TBC1D4: variants seen among roughly 807,000 people sequenced by gnomAD.
TBC1D4 encodes the protein TBC1 domain family member 4, also known as TBC (Tre-2, BUB2, CDC16) domain-containing protein.
In TBC1D4, 121 loss-of-function variants were observed where a neutral mutation model predicts 142.5. The ratio of observed to expected loss-of-function variants is 0.85; its 90% CI spans 0.73 to 0.99. The LOEUF (loss-of-function observed/expected upper bound fraction) is 0.99, where lower values mean the gene tolerates loss of function less well. Ranked by LOEUF, TBC1D4 falls within the 50% of genes least tolerant of loss-of-function variation. The pLI is 0.00. For missense variants in TBC1D4, 1,475 were observed against 1,606.6 expected (o/e 0.92, Z 1.40); for synonymous variants, 630 against 628.2 (o/e 1.00, Z -0.04).
chr13:75,320,204 G>C (rs375861098), intron 11 of TBC1D4, among the ~76,000 whole-genome samples, 167 bp from the exon 12 acceptor site: 13 of 151,762 alleles, frequency 8.6e-5, no homozygotes, highest in African/African-American at 3.1e-4. Flanking sequence ...GAATACAAGA[G>C]AAATATAGAA....
chr13:75,406,613 G>A (rs1885359171), intron 1 of TBC1D4, among the ~76,000 whole-genome samples: 1 of 152,150 alleles, frequency 6.6e-6, no homozygotes, highest in Non-Finnish European at 1.5e-5. Context: ...CATCGAGGGG[G>A]CCTTTAGGGA....
At chr13:75,335,159 G>A (rs867409120) in intron 8 of TBC1D4, among the ~76,000 whole-genome samples, 2 of 152,236 alleles carry the variant, frequency 1.3e-5, no homozygotes, top group South Asian at 4.2e-4. Context: ...CTGCCAGTAT[G>A]CTGCCTCCTA....
Position 75,285,965 on chromosome 13 carries a change from T to C in TBC1D4, c.*827A>G, listed in dbSNP as rs1874629779. 2.0e-5 allele frequency: 3 copies of C among 152,636 alleles called. No individual in the cohort carries two copies. In the South Asian group the frequency reaches 6.2e-4, roughly 32 times the overall value. The allele number at this position is 152,636 out of a possible 1,614,324, so 9.5% of individuals were successfully genotyped here. A position where few individuals can be genotyped will look rare whatever the true frequency, so the allele number is the denominator to read the frequency against. ...AAATAAAAAAAGCAGAAAGCTAATC[T>C]AGACATTTTAGGTCCTAAATTAAAT... On this transcript the variant is annotated 3_prime_UTR_variant, in exon 21 of 21. Coordinates refer to ENST00000377636, the MANE Select transcript of TBC1D4 (RefSeq NM_014832.5).
At chr13:75,366,439 C>T (rs115439552) in intron 1 of TBC1D4, among the ~76,000 whole-genome samples, 1,389 of 79,826 alleles carry the variant, frequency 0.017, 22 homozygotes, top group African/African-American at 0.083. Context: ...GGATAATGTA[C>T]AATCAAGAGA....
chr13:75,384,533 T>C (rs1884057652), intron 1 of TBC1D4, among the ~76,000 whole-genome samples: 1 of 151,128 alleles, frequency 6.6e-6, no homozygotes, highest in Admixed American at 6.6e-5. Flanking sequence ...AAAATTCTAC[T>C]TTAATTTGGG....
In TBC1D4 at chr13:75,481,821, C is replaced by G. The variant is rs890598659; in HGVS notation, c.-54G>C. The G allele has an allele frequency of 9.1e-6, 13 of 1,429,822 alleles. No individual in the cohort carries two copies. Among genetic ancestry groups the G allele is most frequent in the African/African-American group, 6.0e-5 (4 of 66,164 alleles). The allele number at this position is 1,429,822 out of a possible 1,614,324, so 88.6% of individuals were successfully genotyped here. The stretch of plus-strand genomic sequence containing the variant: ...GGCCGGCCGGGCGCACCGCGCCCCC[C>G]ACTCCCGCGCAGAAGGCGCCGCCGA... On this transcript the variant is annotated 5_prime_UTR_variant, in exon 1 of 21. Transcript: ENST00000377636.
intron 11 of TBC1D4, among the ~76,000 whole-genome samples, chr13:75,320,558 T>A (rs1878666398): frequency 6.6e-6 from 1 of 152,120 alleles, no homozygotes; most frequent in African/African-American, 2.4e-5. Context: ...TTCCCTCTCC[T>A]CTATCATTTC....
intron 14 of TBC1D4, among the ~76,000 whole-genome samples, chr13:75,309,645 C>A (rs1478339521): frequency 6.6e-6 from 1 of 152,126 alleles, no homozygotes; most frequent in African/African-American, 2.4e-5. Flanking sequence ...TACATTGATT[C>A]CATATTATCT....
chr13:75,348,617 CCTT>C (rs1881340198), intron 5 of TBC1D4, among the ~76,000 whole-genome samples: 2 of 152,164 alleles, frequency 1.3e-5, no homozygotes, highest in Non-Finnish European at 2.9e-5. Flanking sequence ...GGCCTTCACT[CCTT>C]CTCAGAACAT....
At chr13:75,419,241 T>C (rs1172282272) in intron 1 of TBC1D4, among the ~76,000 whole-genome samples, 4 of 152,218 alleles carry the variant, frequency 2.6e-5, no homozygotes, top group African/African-American at 7.2e-5. Flanking sequence ...TCAAGCTCTG[T>C]TGCAATCTAA....
At chr13:75,432,939 CA>C (rs34647915) in intron 1 of TBC1D4, among the ~76,000 whole-genome samples, 6,502 of 99,488 alleles carry the variant, frequency 0.065, 374 homozygotes, top group African/African-American at 0.19. Flanking sequence ...GAGACTGACT[CA>C]AAAAAAAAAA....
rs534576156 is a variant in TBC1D4, at chr13:75,303,653, A to ACT, written c.2753-1253_2753-1252insAG. 6.6e-5 allele frequency among the ~76,000 whole-genome samples: 10 copies of ACT among 152,326 alleles called. No homozygotes were observed. In the South Asian group the frequency reaches 2.1e-3, roughly 32 times the overall value. On this transcript the variant is annotated intron_variant, in intron 15 of 20. Coordinates refer to ENST00000377636, the MANE Select transcript of TBC1D4 (RefSeq NM_014832.5). ...GGTTAAGGAAATGCTTAATGACAGT[A>ACT]ATCTCTTCTGACTGATTGCCAGAGT...
intron 8 of TBC1D4, among the ~76,000 whole-genome samples, chr13:75,329,236 T>C (rs1879539271): frequency 6.6e-6 from 1 of 152,110 alleles, no homozygotes; most frequent in Non-Finnish European, 1.5e-5. Context: ...CTGAGCGACA[T>C]ATTTTACTAT....
At chr13:75,352,924 C>T (rs1881729733) in intron 4 of TBC1D4, among the ~76,000 whole-genome samples, 1 of 152,190 alleles carries the variant, frequency 6.6e-6, no homozygotes, top group South Asian at 2.1e-4. Context: ...TATGTATCAG[C>T]TGCTTAAGCC....
chr13:75,291,866 T>C (rs928025769), intron 19 of TBC1D4, among the ~76,000 whole-genome samples: 1 of 152,204 alleles, frequency 6.6e-6, no homozygotes, highest in Non-Finnish European at 1.5e-5. Context: ...AGTTTTAGCA[T>C]TGGTTTAAAT....
chr13:75,341,516 C>T lies in TBC1D4; in HGVS notation c.1480G>A (p.Asp494Asn). 1 of 1,613,984 alleles carries T rather than the reference C, an allele frequency of 6.2e-7. No individual in the cohort carries two copies. The highest frequency in any genetic ancestry group is 8.5e-7 in the Non-Finnish European group (1 of 1,179,986). ...GTTACCTGAACTCTTTCAAAGATGT[C>T]AGCTTGCTCATTATCTGTCAGTGAT... Reference protein sequence around the residue: ...LSSLTDNEQADIFERVQKMKP... With the variant: ...LSSLTDNEQANIFERVQKMKP... The change falls in exon 6 of 21, where the codon GAC (aspartate) becomes AAC (asparagine). Residue 494 changes from aspartate to asparagine, a missense_variant. Coordinates refer to ENST00000377636, the MANE Select transcript of TBC1D4 (RefSeq NM_014832.5).
chr13:75,370,003 C>T (rs1883139233), intron 1 of TBC1D4, among the ~76,000 whole-genome samples: 1 of 152,092 alleles, frequency 6.6e-6, no homozygotes, highest in South Asian at 2.1e-4. Context: ...TTTGGAAAGA[C>T]ATAAAATTTT....
chr13:75,398,760 G>A (rs1884931105), intron 1 of TBC1D4, among the ~76,000 whole-genome samples: 1 of 152,104 alleles, frequency 6.6e-6, no homozygotes, highest in African/African-American at 2.4e-5. Flanking sequence ...GACCAAAATA[G>A]GGCTCTGACA....
chr13:75,440,688 G>A (rs1593887989), intron 1 of TBC1D4, among the ~76,000 whole-genome samples: 1 of 151,622 alleles, frequency 6.6e-6, no homozygotes, highest in Admixed American at 6.6e-5. Context: ...TGAGTAGACA[G>A]GGCTACAGGC....
Sources: gnomAD v4.1 joint callset for allele counts (sites outside exome capture counted in the v4.1 genomes callset) on GRCh38, gnomAD v4.1.1 for gene constraint, MANE v1.5 for transcripts, NCBI Gene and HGNC (gene_info 2026-07-23, HGNC 2026-07-21) for gene names.